PTPRN2: variants seen among roughly 807,000 people sequenced by gnomAD.
PTPRN2 encodes receptor-type tyrosine-protein phosphatase N2.
A neutral mutation model predicts 118.8 loss-of-function variants in PTPRN2; 74 were observed. The ratio of observed to expected loss-of-function variants is 0.62; its 90% CI spans 0.52 to 0.76. The LOEUF (loss-of-function observed/expected upper bound fraction) is 0.76, where lower values mean the gene tolerates loss of function less well. Among genes scored for constraint, PTPRN2 ranks in the 30% least tolerant of loss-of-function variants. The probability of loss-of-function intolerance (pLI) is 0.00; values close to 1 mark genes in which losing one functional copy is unlikely to be tolerated. For synonymous variants in PTPRN2, 641 were observed against 608.0 expected (o/e 1.05, Z -0.80); for missense variants, 1,481 against 1,394.4 (o/e 1.06, Z -0.99).
At chr7:157,848,845 C>T (rs1809068386) in intron 12 of PTPRN2, among the ~76,000 whole-genome samples, 1 of 152,248 alleles carries the variant, frequency 6.6e-6, no homozygotes, top group Non-Finnish European at 1.5e-5. Context: ...AGCCCCGACG[C>T]CTCTGCAGTC....
intron 12 of PTPRN2, among the ~76,000 whole-genome samples, chr7:157,814,942 C>G (rs1023338755): frequency 6.6e-6 from 1 of 152,222 alleles, no homozygotes; most frequent in Non-Finnish European, 1.5e-5. Flanking sequence ...ATTTGTTTCT[C>G]CAAAGCTACG....
In PTPRN2 at chr7:157,593,672, C is replaced by T. The variant is rs1801125268; in HGVS notation, c.2496+1566G>A. 2.0e-5 allele frequency among the ~76,000 whole-genome samples: 3 copies of T among 152,204 alleles called. No individual in the cohort carries two copies. The South Asian group carries it at 6.2e-4, about 32-fold the overall frequency. ...GGGCCCTGGGGCTCCATTCTAAGGG[C>T]AGCGCTGGGACGGATGGGTCCATGT... On this transcript the variant is annotated intron_variant, in intron 17 of 22. Transcript: ENST00000389418.
At chr7:157,542,446 A>G (rs1295012763) in intron 22 of PTPRN2, among the ~76,000 whole-genome samples, 1 of 151,164 alleles carries the variant, frequency 6.6e-6, no homozygotes, top group Admixed American at 6.5e-5. Context: ...GGAAGAATAG[A>G]GAAGCGCTGC....
In PTPRN2 at chr7:158,138,253, G is replaced by A. The variant is rs562250363; in HGVS notation, c.1132+41C>T. ...CACAGCCCTGAGGCCTCCCCTCCCC[G>A]CAGCACCCCTGGGTGTGGGCACCCA... is the stretch of plus-strand genomic sequence containing the variant. On this transcript the variant is annotated intron_variant, in intron 7 of 22. Transcript: ENST00000389418. 126 of 1,582,446 alleles carry A rather than the reference G, an allele frequency of 8.0e-5. 1 individual carries two copies. Among genetic ancestry groups the A allele is most frequent in the Admixed American group, 1.0e-4 (6 of 58,544 alleles).
intron 12 of PTPRN2, among the ~76,000 whole-genome samples, chr7:157,822,817 T>C (rs1324984276): frequency 6.6e-6 from 1 of 151,590 alleles, no homozygotes; most frequent in Non-Finnish European, 1.5e-5. Context: ...CATCCATCCT[T>C]ATATCCATCC....
At chr7:158,434,348 G>GA (rs1816427442) in intron 2 of PTPRN2, among the ~76,000 whole-genome samples, 1 of 152,210 alleles carries the variant, frequency 6.6e-6, no homozygotes, top group Non-Finnish European at 1.5e-5. Flanking sequence ...TTATACATTT[G>GA]AAAATTATAT....
At chr7:157,799,198 T>A (rs11981409) in intron 12 of PTPRN2, among the ~76,000 whole-genome samples, 6,134 of 151,970 alleles carry the variant, frequency 0.04, 405 homozygotes, top group African/African-American at 0.14. Flanking sequence ...AAGGGCTGGG[T>A]GAGGCTGGAG....
chr7:157,937,084 G>A (rs1489904039), intron 11 of PTPRN2, among the ~76,000 whole-genome samples: 3 of 152,182 alleles, frequency 2.0e-5, no homozygotes, highest in Admixed American at 1.3e-4. Context: ...ACTTGGCCTG[G>A]GCCACCTTCT....
intron 10 of PTPRN2, among the ~76,000 whole-genome samples, chr7:158,098,031 C>A (rs1307378836): frequency 1.3e-5 from 2 of 152,206 alleles, no homozygotes; most frequent in East Asian, 1.9e-4. Flanking sequence ...ACAGCCCACA[C>A]CCCCGTCCGT....
chr7:157,653,178 T>C (rs1805786116), intron 14 of PTPRN2, among the ~76,000 whole-genome samples: 1 of 152,192 alleles, frequency 6.6e-6, no homozygotes, highest in Non-Finnish European at 1.5e-5. Context: ...CCTCCAGACA[T>C]CACCAACCTC....
chr7:157,703,401 G>C (rs1798174815), intron 12 of PTPRN2, among the ~76,000 whole-genome samples: 1 of 152,264 alleles, frequency 6.6e-6, no homozygotes, highest in Non-Finnish European at 1.5e-5. Context: ...CCGCTGCTGA[G>C]CTGAGAGGAC....
chr7:158,150,845 C>T (rs1218906546), intron 6 of PTPRN2, among the ~76,000 whole-genome samples: 1 of 152,052 alleles, frequency 6.6e-6, no homozygotes, highest in African/African-American at 2.4e-5. Flanking sequence ...CCCAGCCACT[C>T]TGGCCTCCTT....
intron 2 of PTPRN2, among the ~76,000 whole-genome samples, chr7:158,363,396 A>T (rs886293605): frequency 1.3e-5 from 2 of 152,096 alleles, no homozygotes; most frequent in Admixed American, 1.3e-4. Context: ...CCACGCTGGA[A>T]CCACTGCGAG....
At chr7:158,412,885 GCACCAGGGCCCATCCAGTGCCCTCCTCAA>G (rs1814286672) in intron 2 of PTPRN2, among the ~76,000 whole-genome samples, 2 of 114,534 alleles carry the variant, frequency 1.7e-5, no homozygotes, top group Admixed American at 9.4e-5. Context: ...ACCCTCCTCA[GCACCAGGGCCCATCCAGTGCCCTCCTCAA>G]CACCAGGGCC....
rs1301248151 is a variant in PTPRN2, at chr7:157,784,391, A to T, written c.1789-101454T>A. Among the ~76,000 whole-genome samples, 2 of 152,060 alleles carry T rather than the reference A, an allele frequency of 1.3e-5. No homozygotes were observed. Among genetic ancestry groups the T allele is most frequent in the African/African-American group, 4.8e-5 (2 of 41,402 alleles). ...CTCGTTTGCTGCTTCACACTGGAGG[A>T]GGTGCTCCTAGCAAGATGCCGACCT... On this transcript the variant is annotated intron_variant, in intron 12 of 22. Transcript: ENST00000389418. This position sits in a 1 kb window ranked among gnomAD's most constrained non-coding sequence, Gnocchi z 4.6.
intron 19 of PTPRN2, among the ~76,000 whole-genome samples, chr7:157,575,161 A>G (rs1263315332): frequency 6.6e-6 from 1 of 152,260 alleles, no homozygotes; most frequent in Non-Finnish European, 1.5e-5. Context: ...GTGCAAACAC[A>G]CTGGATGAAC....
At chr7:158,448,312 T>C (rs1817865534) in intron 2 of PTPRN2, among the ~76,000 whole-genome samples, 1 of 152,220 alleles carries the variant, frequency 6.6e-6, no homozygotes, top group Non-Finnish European at 1.5e-5. Context: ...TTCTAAATGT[T>C]TCATAATAGC....
chr7:158,203,501 A>G (rs1826830110), intron 4 of PTPRN2, among the ~76,000 whole-genome samples: 1 of 152,056 alleles, frequency 6.6e-6, no homozygotes, highest in African/African-American at 2.4e-5. Flanking sequence ...GTTGTTGCTG[A>G]GTTTGATTTC....
chr7:157,556,878 C>T (rs1322416978), intron 21 of PTPRN2, among the ~76,000 whole-genome samples: 1 of 151,328 alleles, frequency 6.6e-6, no homozygotes, highest in African/African-American at 2.4e-5. Flanking sequence ...CATATCCATG[C>T]TCACATGTCA....
Sources: gnomAD v4.1 joint callset for allele counts (sites outside exome capture counted in the v4.1 genomes callset) on GRCh38, gnomAD v4.1.1 for gene constraint, Gnocchi (gnomAD v3.1) non-coding constraint, MANE v1.5 for transcripts, NCBI Gene and HGNC (gene_info 2026-07-23, HGNC 2026-07-21) for gene names.